The following PDE4D variants were observed in gnomAD, a reference collection of about 807,000 sequenced individuals.
PDE4D encodes phosphodiesterase 4D, also known as 3',5'-cyclic-AMP phosphodiesterase 4D.
PDE4D carries 24 observed loss-of-function variants against 87.4 expected under a neutral mutation model. The ratio of observed to expected loss-of-function variants is 0.27; its 90% confidence interval spans 0.20 to 0.39. The LOEUF is 0.39. Among genes scored for constraint, PDE4D ranks in the 10% least tolerant of loss-of-function variants. The pLI, the probability that PDE4D is intolerant of heterozygous loss-of-function variation, is 1.00. For missense variants in PDE4D, 714 were observed against 1,041.0 expected (o/e 0.69, Z 4.32); for synonymous variants, 384 against 383.2 (o/e 1.00, Z -0.02).
In PDE4D at chr5:60,327,461, G is replaced by T. The variant is rs560074806; in HGVS notation, c.-89-141774C>A. 4.6e-5 allele frequency among the ~76,000 whole-genome samples: 7 copies of T among 152,236 alleles called. No individual in the cohort carries two copies. In the South Asian group the frequency reaches 1.2e-3, roughly 27 times the overall value. On this transcript the variant is annotated intron_variant, in intron 1 of 16. Transcript: ENST00000502484. ...GGAAGAAAAAGAAAATGATTAGACT[G>T]CCCTTTTTGCATCTGCTGTTATTCA... is the stretch of plus-strand genomic sequence containing the variant.
intron 1 of PDE4D, among the ~76,000 whole-genome samples, chr5:59,712,920 T>C (rs1202881731): frequency 3.9e-5 from 6 of 152,168 alleles, no homozygotes; most frequent in Non-Finnish European, 2.9e-5. Context: ...TTTGAGTGAA[T>C]AGTCCAGTAT....
intron 1 of PDE4D, among the ~76,000 whole-genome samples, chr5:59,812,714 C>T (rs1465167597): frequency 6.6e-6 from 1 of 151,934 alleles, no homozygotes; most frequent in Non-Finnish European, 1.5e-5. Flanking sequence ...ACAAGTGAGA[C>T]AAGTGAGATA....
At chr5:60,237,651 A>C (rs1746578871) in intron 1 of PDE4D, among the ~76,000 whole-genome samples, 1 of 152,068 alleles carries the variant, frequency 6.6e-6, no homozygotes, top group Admixed American at 6.6e-5. Context: ...ATAAAAGCAT[A>C]GCACAAGGGA....
At chr5:59,624,322 G>A (rs148447575) in intron 1 of PDE4D, among the ~76,000 whole-genome samples, 2 of 3,096 alleles carry the variant, frequency 6.5e-4, no homozygotes, top group Non-Finnish European at 8.5e-4. Flanking sequence ...CTCCTGCCCC[G>A]ATCACAATGG....
chr5:59,948,888 C>T (rs917291458), intron 3 of PDE4D, among the ~76,000 whole-genome samples: 1 of 152,318 alleles, frequency 6.6e-6, no homozygotes, highest in Middle Eastern at 3.4e-3. Flanking sequence ...TCCTTGGGCC[C>T]CAACTGGTCA....
At chr5:60,038,438 T>A (rs1175023983) in intron 2 of PDE4D, among the ~76,000 whole-genome samples, 2 of 152,120 alleles carry the variant, frequency 1.3e-5, no homozygotes, top group Non-Finnish European at 2.9e-5. Flanking sequence ...TAGTTGTAGA[T>A]ATGCGGCGTT....
Position 59,397,471 on chromosome 5 carries a change from T to C in PDE4D, c.456-181503A>G, listed in dbSNP as rs1789642537. Among the ~76,000 whole-genome samples the C allele has an allele frequency of 1.7e-5, 2 of 117,968 alleles. 1 individual carries two copies. The highest frequency in any genetic ancestry group is 6.9e-5 in the African/African-American group (2 of 29,064). The allele number at this position is 117,968 out of a possible 152,430, so 77.4% of individuals were successfully genotyped here. ...ACATGGAAACCGAACAACCTGCTCC[T>C]GAATGACTACTGGGTACATAATGAA... On this transcript the variant is annotated intron_variant, in intron 1 of 14. Coordinates refer to ENST00000340635, the MANE Select transcript of PDE4D (RefSeq NM_001104631.2).
chr5:60,008,453 T>C (rs957246979), intron 2 of PDE4D, among the ~76,000 whole-genome samples: 2 of 151,990 alleles, frequency 1.3e-5, no homozygotes, highest in Non-Finnish European at 2.9e-5. Context: ...TTAGAACACA[T>C]CTGAAGGCCA....
intron 1 of PDE4D, among the ~76,000 whole-genome samples, chr5:59,571,487 TG>T (rs1821842933): frequency 1.3e-5 from 2 of 151,942 alleles, no homozygotes; most frequent in Non-Finnish European, 2.9e-5. Flanking sequence ...TGGGGAGAGG[TG>T]GGGGAAAGTG....
intron 1 of PDE4D, among the ~76,000 whole-genome samples, chr5:59,721,926 C>A (rs1489783808): frequency 6.6e-6 from 1 of 152,148 alleles, no homozygotes; most frequent in East Asian, 1.9e-4. Context: ...TCCATGGGTG[C>A]AGCAAGAGTG....
intron 5 of PDE4D, among the ~76,000 whole-genome samples, chr5:59,100,048 C>A (rs887169002): frequency 2.6e-5 from 4 of 152,216 alleles, no homozygotes; most frequent in Non-Finnish European, 5.9e-5. Flanking sequence ...CATTCTTTCA[C>A]AATGTCATGC....
intron 1 of PDE4D, among the ~76,000 whole-genome samples, chr5:60,442,984 T>C (rs553782451): frequency 6.6e-6 from 1 of 152,082 alleles, no homozygotes; most frequent in South Asian, 2.1e-4. Context: ...CCTGCAGACA[T>C]GGTGCAACTT....
chr5:59,522,131 T>G (rs1364325082), intron 1 of PDE4D, among the ~76,000 whole-genome samples: 2 of 152,208 alleles, frequency 1.3e-5, no homozygotes, highest in African/African-American at 4.8e-5. Context: ...AAAGCATATT[T>G]GATAATCAGC....
At chr5:60,514,858 A>C (rs576198378) in intron 1 of PDE4D, among the ~76,000 whole-genome samples, 2 of 152,046 alleles carry the variant, frequency 1.3e-5, no homozygotes, top group Admixed American at 6.5e-5. Context: ...CAAGGGGGGG[A>C]AAACAAGAAA....
At chr5:59,408,711 C>G (rs1245859243) in intron 1 of PDE4D, among the ~76,000 whole-genome samples, 1 of 152,144 alleles carries the variant, frequency 6.6e-6, no homozygotes, top group Non-Finnish European at 1.5e-5. Context: ...TGGAGTCTAC[C>G]CTTACATCAG....
chr5:60,319,329 C>G lies in PDE4D; in HGVS notation c.-89-133642G>C, dbSNP rs181776438. 5.4e-4 allele frequency among the ~76,000 whole-genome samples: 82 copies of G among 152,316 alleles called. 1 individual carries two copies. In the East Asian group the frequency reaches 0.013, roughly 24 times the overall value. ...CGTAGTTCTCATGCCTTGGTTTTCA[C>G]CTCCATCAGGTCCTTTAAGGACTTC... On this transcript the variant is annotated intron_variant, in intron 1 of 16. Transcript: ENST00000502484.
intron 1 of PDE4D, among the ~76,000 whole-genome samples, chr5:59,674,480 A>C (rs1747739839): frequency 6.6e-6 from 1 of 152,188 alleles, no homozygotes; most frequent in South Asian, 2.1e-4. Context: ...TAAAATCATT[A>C]TTTAGAGTCT....
At chr5:59,191,662 G>A (rs567554252) in intron 3 of PDE4D, among the ~76,000 whole-genome samples, 12 of 151,960 alleles carry the variant, frequency 7.9e-5, no homozygotes, top group East Asian at 3.9e-4. Context: ...TCCACCTCCC[G>A]GGTTCAAGCA....
At chr5:60,123,562 C>T (rs1778878319) in intron 2 of PDE4D, among the ~76,000 whole-genome samples, 1 of 152,062 alleles carries the variant, frequency 6.6e-6, no homozygotes, top group Admixed American at 6.5e-5. Flanking sequence ...TTATCTCCCA[C>T]CGAGTCCCTC....
Sources: gnomAD v4.1 joint callset for allele counts (sites outside exome capture counted in the v4.1 genomes callset) on GRCh38, gnomAD v4.1.1 for gene constraint, MANE v1.5 for transcripts, NCBI Gene and HGNC (gene_info 2026-07-23, HGNC 2026-07-21) for gene names.